Variants in ADARB2 observed in about 807,000 individuals in gnomAD.
ADARB2 encodes the protein inactive double-stranded RNA-specific editase B2.
In ADARB2, 25 loss-of-function variants were observed where a neutral mutation model predicts 62.2. That is an observed-to-expected ratio of 0.40 (90% CI 0.29 to 0.56). ADARB2 has a LOEUF of 0.56. Ranked by LOEUF, ADARB2 falls within the 20% of genes least tolerant of loss-of-function variation. The probability of loss-of-function intolerance (pLI) is 0.43; values close to 1 mark genes in which losing one functional copy is unlikely to be tolerated. For synonymous variants in ADARB2, 572 were observed against 500.8 expected, an observed-to-expected ratio of 1.14 and a Z score of -1.90; for missense variants, 1,071 against 1,077.4, an observed-to-expected ratio of 0.99 and a Z score of 0.08.
rs1833257346 is a variant in ADARB2, at chr10:1,591,673, A to ACG, written c.100+145377_100+145378insCG. 4.0e-5 allele frequency among the ~76,000 whole-genome samples: 6 copies of ACG among 151,704 alleles called. No individual in the cohort carries two copies. In the South Asian group the frequency reaches 1.3e-3, roughly 32 times the overall value. ...GAGGCGTGCACGCACACACACACAC[A>ACG]CACACGCACACACTCACCAGGACCC... On this transcript the variant is annotated intron_variant, in intron 1 of 9. Transcript: ENST00000381312.
In ADARB2 at chr10:1,178,341, G is replaced by C. The variant is rs1836617205; in HGVS notation, c.*4852C>G. ...GAGGGTGGTGCTGGCCGCCTCTCAG[G>C]CTTCCCAGAAACAGCCTGAGAAGGA... is the stretch of plus-strand genomic sequence containing the variant. On this transcript the variant is annotated 3_prime_UTR_variant, in exon 10 of 10. Coordinates refer to ENST00000381312, the MANE Select transcript of ADARB2 (RefSeq NM_018702.4). 7.0e-6 allele frequency: 1 copy of C among 143,204 alleles called. No individual in the cohort carries two copies. Among genetic ancestry groups the C allele is most frequent in the African/African-American group, 3.0e-5 (1 of 33,034 alleles). The allele number at this position is 143,204 out of a possible 1,614,324, so 8.9% of individuals were successfully genotyped here.
chr10:1,628,073 C>T (rs1230153264), intron 1 of ADARB2, among the ~76,000 whole-genome samples: 8 of 152,260 alleles, frequency 5.3e-5, no homozygotes, highest in African/African-American at 9.6e-5. Context: ...CTTGTCCACG[C>T]GTGGGTAGAT....
intron 1 of ADARB2, among the ~76,000 whole-genome samples, chr10:1,685,833 A>T (rs1431307937): frequency 1.3e-5 from 2 of 152,106 alleles, no homozygotes; most frequent in African/African-American, 4.8e-5. Flanking sequence ...CTTGTGCCCC[A>T]TGGGGCTGGG....
chr10:1,236,861 T>C (rs61832012), intron 5 of ADARB2, among the ~76,000 whole-genome samples: 4 of 12,750 alleles, frequency 3.1e-4, no homozygotes, highest in Admixed American at 5.4e-4. Flanking sequence ...TCCCGGTGTT[T>C]ACTCCCCTCT....
Position 1,271,122 on chromosome 10 carries a change from G to T in ADARB2, c.1078-53C>A, listed in dbSNP as rs879052175. The T allele has an allele frequency of 1.5e-5, 22 of 1,455,380 alleles. 1 individual carries two copies. In the South Asian group the frequency reaches 2.3e-4, roughly 16 times the overall value. 90.2% of individuals were successfully genotyped at this position (1,455,380 alleles called of 1,614,324 possible). On this transcript the variant is annotated intron_variant, in intron 3 of 9. Coordinates refer to ENST00000381312, the MANE Select transcript of ADARB2 (RefSeq NM_018702.4). ...GTTGGGCTGAGCAGGTGCCGTGGAG[G>T]ATGATGGGGCACTGTCCTCCCCGTC...
At position 1,182,537 on chromosome 10, in the gene ADARB2, G is replaced by A. The variant is rs146813738; in HGVS notation, c.*656C>T. On this transcript the variant is annotated 3_prime_UTR_variant, in exon 10 of 10. Transcript: ENST00000381312. Reference sequence around the variant, plus strand: ...TGTTTCCAGGCTCCCCACGTCACAGGTCTTAACTCTGCCTCGCAGGGGTTT... The same window carrying A: ...TGTTTCCAGGCTCCCCACGTCACAGATCTTAACTCTGCCTCGCAGGGGTTT... The A allele has an allele frequency of 4.6e-4, 70 of 152,724 alleles. No individual in the cohort carries two copies. Among genetic ancestry groups the A allele is most frequent in the African/African-American group, 1.7e-3 (70 of 41,522 alleles). 9.5% of individuals were successfully genotyped at this position (152,724 alleles called of 1,614,324 possible). A position where few individuals can be genotyped will look rare whatever the true frequency, so the allele number is the denominator to read the frequency against.
At chr10:1,293,202 AAGAG>A (rs1485249591) in intron 3 of ADARB2, among the ~76,000 whole-genome samples, 21 of 41,478 alleles carry the variant, frequency 5.1e-4, no homozygotes, top group African/African-American at 1.3e-3. Context: ...GAATAGAAAA[AAGAG>A]GGAGGGAGGG....
At chr10:1,647,976 T>A (rs957302374) in intron 1 of ADARB2, among the ~76,000 whole-genome samples, 5 of 152,150 alleles carry the variant, frequency 3.3e-5, no homozygotes, top group African/African-American at 1.2e-4. Context: ...GAAATGCCAT[T>A]AAACTGGTGT....
intron 1 of ADARB2, among the ~76,000 whole-genome samples, chr10:1,450,612 A>G (rs2813427): frequency 0.56 from 84,991 of 152,178 alleles, 25,559 homozygotes; most frequent in Non-Finnish European, 0.68. Flanking sequence ...GATCACAAAG[A>G]GGACTGAACA....
chr10:1,335,431 G>C (rs537664907), intron 3 of ADARB2, among the ~76,000 whole-genome samples: 5 of 143,126 alleles, frequency 3.5e-5, no homozygotes, highest in Non-Finnish European at 7.6e-5. Flanking sequence ...AGGATGGAGG[G>C]AGAAATAGAG....
At chr10:1,646,408 A>G (rs1354688947) in intron 1 of ADARB2, among the ~76,000 whole-genome samples, 1 of 152,258 alleles carries the variant, frequency 6.6e-6, no homozygotes, top group African/African-American at 2.4e-5. Flanking sequence ...TTGAATCCAC[A>G]AACAATGAAC....
At chr10:1,625,057 G>C (rs112711079) in intron 1 of ADARB2, among the ~76,000 whole-genome samples, 106 of 152,304 alleles carry the variant, frequency 7.0e-4, no homozygotes, top group Middle Eastern at 3.4e-3. Flanking sequence ...TCTTTTAACT[G>C]TCTGGGGAAA....
chr10:1,638,125 G>T (rs1268585575), intron 1 of ADARB2, among the ~76,000 whole-genome samples: 1 of 152,140 alleles, frequency 6.6e-6, no homozygotes, highest in Non-Finnish European at 1.5e-5. Flanking sequence ...TGTATTTCCT[G>T]AATTACCCTG....
chr10:1,545,263 A>C (rs902322902), intron 1 of ADARB2, among the ~76,000 whole-genome samples: 1 of 152,194 alleles, frequency 6.6e-6, no homozygotes, highest in Non-Finnish European at 1.5e-5. Context: ...GGTGCAATTC[A>C]CACCAGCATC....
At chr10:1,626,427 G>A (rs980662140) in intron 1 of ADARB2, among the ~76,000 whole-genome samples, 2 of 149,958 alleles carry the variant, frequency 1.3e-5, no homozygotes, top group Non-Finnish European at 3.0e-5. Context: ...ACTGGATCTC[G>A]GACGCTAACC....
chr10:1,655,291 G>A (rs1564359623), intron 1 of ADARB2, among the ~76,000 whole-genome samples: 2 of 152,198 alleles, frequency 1.3e-5, no homozygotes, highest in East Asian at 1.9e-4. Context: ...TGTGGAAAGC[G>A]GGTGCCCACT....
At chr10:1,697,193 G>A (rs1188533639) in intron 1 of ADARB2, among the ~76,000 whole-genome samples, 1 of 152,018 alleles carries the variant, frequency 6.6e-6, no homozygotes, top group Non-Finnish European at 1.5e-5. Flanking sequence ...CTGGTTATTT[G>A]CCCACCCACA....
intron 1 of ADARB2, among the ~76,000 whole-genome samples, chr10:1,513,459 G>A (rs1217340890): frequency 2.0e-5 from 3 of 152,180 alleles, no homozygotes; most frequent in Admixed American, 6.5e-5. Flanking sequence ...GCCGTCCTCC[G>A]TGGCTCAGGA....
chr10:1,706,189 C>T (rs1332219509), intron 1 of ADARB2, among the ~76,000 whole-genome samples: 1 of 152,180 alleles, frequency 6.6e-6, no homozygotes, highest in Non-Finnish European at 1.5e-5. Flanking sequence ...TGTTTTCGCT[C>T]CCTACCCTGG....
Sources: allele counts gnomAD v4.1 joint callset (sites outside exome capture counted in the v4.1 genomes callset), GRCh38; gene constraint gnomAD v4.1.1; transcripts MANE v1.5; gene names NCBI Gene and HGNC (gene_info 2026-07-23, HGNC 2026-07-21).